Variants in RPS6KC1 observed in about 807,000 individuals in gnomAD.
RPS6KC1 encodes inactive ribosomal protein S6 kinase delta-1.
A neutral mutation model predicts 103.8 loss-of-function variants in RPS6KC1; 54 were observed. The ratio of observed to expected loss-of-function variants is 0.52; its 90% CI spans 0.42 to 0.65. The LOEUF (loss-of-function observed/expected upper bound fraction) is 0.65. Ranked by LOEUF, RPS6KC1 falls within the 30% of genes least tolerant of loss-of-function variation. RPS6KC1 has a pLI of 0.00. For missense variants in RPS6KC1, 1,151 were observed against 1,253.8 expected (o/e 0.92, Z 1.24); for synonymous variants, 439 against 438.7 (o/e 1.00, Z -0.01).
chr1:213,242,336 G>A, intron 11 of RPS6KC1, 39 bp downstream of exon 11: 1 of 1,603,962 alleles, frequency 6.2e-7, no homozygotes, highest in South Asian at 1.1e-5. Flanking sequence ...TTTATTCGCT[G>A]TTGCTTCCAA....
At chr1:213,360,905 T>C in the RPS6KC1 span, among the ~76,000 whole-genome samples, 554 of 152,322 alleles carry the variant, frequency 3.6e-3, 4 homozygotes, top group Non-Finnish European at 6.2e-3. Context: ...TGCTGTCTGA[T>C]CATTTCTCTG....
the RPS6KC1 span, among the ~76,000 whole-genome samples, chr1:213,709,587 CTG>C: frequency 6.6e-6 from 1 of 151,240 alleles, no homozygotes; most frequent in African/African-American, 2.4e-5. Context: ...TTCTTGCCTT[CTG>C]CTAGCTTTTA....
At chr1:213,801,665 C>G in the RPS6KC1 span, among the ~76,000 whole-genome samples, 1 of 152,048 alleles carries the variant, frequency 6.6e-6, no homozygotes, top group Admixed American at 6.6e-5. Context: ...TTACAGTTCT[C>G]CTAGAAGAAA....
the RPS6KC1 span, among the ~76,000 whole-genome samples, chr1:213,565,959 CAA>C: frequency 7.6e-3 from 487 of 64,378 alleles, no homozygotes; most frequent in African/African-American, 0.026. Context: ...AACTCCATCT[CAA>C]AAAAAAAAAA....
At chr1:213,710,102 A>T in the RPS6KC1 span, among the ~76,000 whole-genome samples, 2 of 151,586 alleles carry the variant, frequency 1.3e-5, no homozygotes, top group African/African-American at 4.8e-5. Context: ...TTGATCTAAT[A>T]TTGACAGTGT....
chr1:213,074,119 G>A lies in RPS6KC1; in HGVS notation c.141+3078G>A, dbSNP rs570459436. 1.3e-4 allele frequency among the ~76,000 whole-genome samples: 20 copies of A among 152,294 alleles called. No individual in the cohort carries two copies. The South Asian group carries it at 3.7e-3, about 28-fold the overall frequency. On this transcript the variant is annotated intron_variant, in intron 2 of 14. Transcript: ENST00000366960. ...CAAATTTTAAATATTAAAACTATGT[G>A]AGCGTGAAAAGGACAAAGTTAATTC...
chr1:213,731,440 G>C, the RPS6KC1 span: 1 of 151,982 alleles, frequency 6.6e-6, no homozygotes, highest in East Asian at 1.9e-4. Flanking sequence ...ATCAAGGATC[G>C]GTAATTGGGA....
intron 6 of RPS6KC1, among the ~76,000 whole-genome samples, chr1:213,145,790 G>A (rs746439583): frequency 9.9e-5 from 15 of 151,832 alleles, no homozygotes; most frequent in Non-Finnish European, 1.3e-4. Context: ...TTTGATACAG[G>A]CATGCAATGT....
At chr1:213,398,927 T>G in the RPS6KC1 span, among the ~76,000 whole-genome samples, 1 of 152,152 alleles carries the variant, frequency 6.6e-6, no homozygotes, top group Non-Finnish European at 1.5e-5. Flanking sequence ...GGCTTGCAAA[T>G]CAATGCATGA....
chr1:213,592,565 C>A, the RPS6KC1 span, among the ~76,000 whole-genome samples: 1 of 152,236 alleles, frequency 6.6e-6, no homozygotes, highest in Middle Eastern at 3.4e-3. Context: ...CTCCGTTGTA[C>A]CTTATTCATG....
chr1:213,239,262 G>A (rs1361004661), intron 10 of RPS6KC1, among the ~76,000 whole-genome samples: 2 of 151,850 alleles, frequency 1.3e-5, no homozygotes, highest in Non-Finnish European at 2.9e-5. Context: ...AACTTGAACC[G>A]AGGAGGTGGA....
the RPS6KC1 span, among the ~76,000 whole-genome samples, chr1:213,790,859 C>T: frequency 6.6e-6 from 1 of 152,146 alleles, no homozygotes; most frequent in Non-Finnish European, 1.5e-5. Flanking sequence ...TGAGGAGTAT[C>T]TTCTATTTGG....
the RPS6KC1 span, among the ~76,000 whole-genome samples, chr1:213,411,418 G>T: frequency 6.6e-6 from 1 of 152,178 alleles, no homozygotes; most frequent in Non-Finnish European, 1.5e-5. Flanking sequence ...GCTCAAAGTT[G>T]CAGAGAGAAC....
At chr1:213,839,233 A>G in the RPS6KC1 span, among the ~76,000 whole-genome samples, 1 of 152,212 alleles carries the variant, frequency 6.6e-6, no homozygotes, top group Non-Finnish European at 1.5e-5. Flanking sequence ...TTTAAAATTA[A>G]TAACAGGTAC....
At chr1:213,281,671 C>G in the RPS6KC1 span, among the ~76,000 whole-genome samples, 1 of 152,242 alleles carries the variant, frequency 6.6e-6, no homozygotes, top group Non-Finnish European at 1.5e-5. Flanking sequence ...CACTCTCTGT[C>G]CCTCTGCTGC....
intron 8 of RPS6KC1, among the ~76,000 whole-genome samples, chr1:213,179,984 C>T (rs529638090): frequency 6.6e-6 from 1 of 152,232 alleles, no homozygotes; most frequent in African/African-American, 2.4e-5. Flanking sequence ...GAGGTGACAA[C>T]TCAGAAAGTG....
the RPS6KC1 span, among the ~76,000 whole-genome samples, chr1:213,728,948 GT>G: frequency 3.0e-4 from 27 of 91,288 alleles, no homozygotes; most frequent in South Asian, 1.2e-3. Flanking sequence ...TTTTTTTTTT[GT>G]TTTTTTTTTT....
the RPS6KC1 span, among the ~76,000 whole-genome samples, chr1:213,411,167 T>C: frequency 6.6e-6 from 1 of 152,238 alleles, no homozygotes. Context: ...TTTGACTCTC[T>C]AGTCCTGTCT....
chr1:213,627,936 A>G, the RPS6KC1 span, among the ~76,000 whole-genome samples: 1 of 152,206 alleles, frequency 6.6e-6, no homozygotes, highest in Non-Finnish European at 1.5e-5. Context: ...TGTTGGCCTC[A>G]TAAAATGAGT....
Sources: allele counts gnomAD v4.1 joint callset (sites outside exome capture counted in the v4.1 genomes callset), GRCh38; gene constraint gnomAD v4.1.1; transcripts MANE v1.5; gene names NCBI Gene and HGNC (gene_info 2026-07-23, HGNC 2026-07-21).